Variants in CDC5L observed in about 807,000 individuals in gnomAD.
CDC5L encodes the protein cell division cycle 5-like protein.
Under a neutral mutation model 104.1 loss-of-function variants are expected in CDC5L, and 18 were observed. The observed-to-expected ratio is 0.17, with a 90% CI of 0.12 to 0.26. The LOEUF (loss-of-function observed/expected upper bound fraction) is 0.26. Ranked by LOEUF, CDC5L falls within the 10% of genes least tolerant of loss-of-function variation. The probability of loss-of-function intolerance (pLI) is 1.00; values close to 1 mark genes in which losing one functional copy is unlikely to be tolerated. For missense variants in CDC5L, 673 were observed against 956.9 expected (o/e 0.70, Z 3.91); for synonymous variants, 331 against 322.7 (o/e 1.03, Z -0.28).
Position 44,422,697 on chromosome 6 carries a change from C to G in CDC5L, c.1292C>G (p.Pro431Arg). The change falls in exon 10 of 16, where the codon CCC becomes CGC. Residue 431 changes from proline (P) to arginine (R), a missense_variant. This residue lies in a region of CDC5L where 578 missense variants were observed against 737.0 expected (regional missense o/e 0.78). Coordinates refer to ENST00000371477, the MANE Select transcript of CDC5L (RefSeq NM_001253.4). ...EGLTPRSGTT[P>R]KPVINSTPGR... ...CTGACTCCCCGGAGTGGAACAACTCCCAAACCAGTTATTAACTCTACTCCG... is the reference window on the plus strand; with the variant it reads ...CTGACTCCCCGGAGTGGAACAACTCGCAAACCAGTTATTAACTCTACTCCG... The G allele has an allele frequency of 6.2e-7, 1 of 1,612,994 alleles. No individual in the cohort carries two copies. Among genetic ancestry groups the G allele is most frequent in the Non-Finnish European group, 8.5e-7 (1 of 1,179,228 alleles).
rs1252493307 is a variant in CDC5L, at chr6:44,437,444, A to G, written c.2091+7534A>G. ...TTCTTTATATGTTTAATGACTATAT[A>G]GTTATTTGGCTAAATTAATTTTTTT... On this transcript the variant is annotated intron_variant, in intron 14 of 15. Transcript: ENST00000371477. Among the ~76,000 whole-genome samples the G allele has an allele frequency of 3.3e-5, 5 of 152,316 alleles. No individual in the cohort carries two copies. The South Asian group carries it at 8.3e-4, about 25-fold the overall frequency.
intron 8 of CDC5L, among the ~76,000 whole-genome samples, chr6:44,411,906 T>C (rs1423327286): frequency 6.6e-6 from 1 of 152,140 alleles, no homozygotes; most frequent in Non-Finnish European, 1.5e-5. Flanking sequence ...TTTCAGGGTG[T>C]TCAAGGCCAG....
intron 14 of CDC5L, among the ~76,000 whole-genome samples, chr6:44,441,390 G>T (rs1265058351): frequency 6.6e-6 from 1 of 152,148 alleles, no homozygotes; most frequent in Non-Finnish European, 1.5e-5. Context: ...CCGTGTCTTG[G>T]CTGTTGTGGA....
Position 44,404,978 on chromosome 6 carries a change from G to A in CDC5L, c.758+951G>A, listed in dbSNP as rs142275000. ...CAAAGTGTTGGGATTACAGGCATGA[G>A]TCACCACTCCTGGCCCTTTTAGTCT... On this transcript the variant is annotated intron_variant, in intron 6 of 15. Transcript: ENST00000371477. Among the ~76,000 whole-genome samples, 6 of 152,270 alleles carry A rather than the reference G, an allele frequency of 3.9e-5. No homozygotes were observed. In the East Asian group the frequency reaches 1.2e-3, roughly 29 times the overall value.
intron 14 of CDC5L, among the ~76,000 whole-genome samples, chr6:44,434,670 A>G (rs1792844256): frequency 6.6e-6 from 1 of 152,332 alleles, no homozygotes; most frequent in African/African-American, 2.4e-5. Flanking sequence ...GGTGCTCTTA[A>G]TGTTTCTGAA....
chr6:44,441,932 C>CTTTTTTT lies in CDC5L; in HGVS notation c.2092-3706_2092-3700dup, dbSNP rs145016358. Among the ~76,000 whole-genome samples, 86 of 92,832 alleles carry CTTTTTTT rather than the reference C, an allele frequency of 9.3e-4. 1 individual carries two copies. The highest frequency in any genetic ancestry group is 5.2e-3 in the East Asian group (13 of 2,512). The allele number at this position is 92,832 out of a possible 152,430, so 60.9% of individuals were successfully genotyped here. On this transcript the variant is annotated intron_variant, in intron 14 of 15. Coordinates refer to ENST00000371477, the MANE Select transcript of CDC5L (RefSeq NM_001253.4). ...TCCCAGCACTTTGTAAGGTCTTGTTCTTTTTTTTTTTTTTTTTTTTTTTGA... is the reference window on the plus strand; with the variant it reads ...TCCCAGCACTTTGTAAGGTCTTGTTCTTTTTTTTTTTTTTTTTTTTTTTTTTTTTTGA...
At chr6:44,428,615 G>A (rs1792534346) in intron 13 of CDC5L, among the ~76,000 whole-genome samples, 1 of 152,090 alleles carries the variant, frequency 6.6e-6, no homozygotes, top group Non-Finnish European at 1.5e-5. Flanking sequence ...GGCTGAAAAA[G>A]CCCTGAGAAA....
At chr6:44,401,832 G>A (rs1791141760) in intron 5 of CDC5L, among the ~76,000 whole-genome samples, 1 of 149,706 alleles carries the variant, frequency 6.7e-6, no homozygotes, top group Non-Finnish European at 1.5e-5. Flanking sequence ...AGTCCCCAGA[G>A]CGTGATGTTC....
rs369970515 is a variant in CDC5L at position 44,424,605 on chromosome 6, A to T, written c.1569+22A>T. The T allele has an allele frequency of 6.8e-6, 11 of 1,612,464 alleles. No homozygotes were observed. In the African/African-American group the frequency reaches 1.5e-4, roughly 21 times the overall value. Reference sequence around the variant, plus strand: ...GCAGGTGGGTAACTGTACTGAAAGAAGCGTGAGTTTGGCTGAATGTGTCAG... The same window carrying T: ...GCAGGTGGGTAACTGTACTGAAAGATGCGTGAGTTTGGCTGAATGTGTCAG... On this transcript the variant is annotated intron_variant, in intron 11 of 15. Transcript: ENST00000371477.
chr6:44,417,383 C>T (rs898485466), intron 8 of CDC5L, among the ~76,000 whole-genome samples: 1 of 152,056 alleles, frequency 6.6e-6, no homozygotes, highest in African/African-American at 2.4e-5. Flanking sequence ...ACTGTGAGTG[C>T]GGTGGGAAGC....
chr6:44,424,343 A>G (rs564841094), intron 10 of CDC5L, 76 bp from the exon 11 acceptor site: 174 of 1,330,016 alleles, frequency 1.3e-4, no homozygotes, highest in South Asian at 2.6e-4. Context: ...TGTGCTATCA[A>G]TTTTTAAGAG....
Position 44,442,491 on chromosome 6 carries a change from G to GC in CDC5L, c.2092-3164_2092-3163insC, listed in dbSNP as rs1471506302. Among the ~76,000 whole-genome samples, 93 of 151,196 alleles carry GC rather than the reference G, an allele frequency of 6.2e-4. 1 individual carries two copies. In the South Asian group the frequency reaches 0.018, roughly 30 times the overall value. On this transcript the variant is annotated intron_variant, in intron 14 of 15. Transcript: ENST00000371477. ...GTCTGTTACAGACTTTTGCTTTGTG[G>GC]TTAACTTGAGGCTTACATAAAACAG...
intron 15 of CDC5L, 37 bp from the exon 16 acceptor site, chr6:44,446,570 T>C (rs1307783735): frequency 2.0e-6 from 2 of 987,712 alleles, no homozygotes; most frequent in Non-Finnish European, 3.0e-6. Flanking sequence ...TCAGTATAGT[T>C]ACATCTAAAA....
chr6:44,408,580 G>A lies in CDC5L; in HGVS notation c.1040G>A (p.Ser347Asn). The change falls in exon 8 of 16, where the codon AGC (serine) becomes AAC (asparagine). Residue 347 changes from serine to asparagine, a missense_variant. Physicochemically the swap from Ser to Asn is conservative, Grantham distance 46. Around this residue, in one of 4 missense-constraint regions of CDC5L, gnomAD observed 578 missense variants for 737.0 expected, o/e 0.78. Coordinates refer to ENST00000371477, the MANE Select transcript of CDC5L (RefSeq NM_001253.4). ...LLSEYNVTNN[S>N]VALRTPRTPA... ...TCTGAGTACAATGTCACCAACAACA[G>A]CGTTGCTCTTAGAACACCACGAACA... 1.2e-6 allele frequency: 2 copies of A among 1,613,480 alleles called. No homozygotes were observed. The highest frequency in any genetic ancestry group is 1.1e-5 in the South Asian group (1 of 91,038).
At chr6:44,400,548 T>G (rs1283338546) in intron 5 of CDC5L, among the ~76,000 whole-genome samples, 2 of 152,114 alleles carry the variant, frequency 1.3e-5, no homozygotes, top group Non-Finnish European at 2.9e-5. Context: ...CTACCGTGCC[T>G]GGCTAATTTT....
chr6:44,429,264 C>T (rs1280465388), intron 13 of CDC5L, among the ~76,000 whole-genome samples: 1 of 152,110 alleles, frequency 6.6e-6, no homozygotes, highest in African/African-American at 2.4e-5. Context: ...TCGTTATCCG[C>T]CCACCTCAGC....
chr6:44,398,653 C>T (rs780080160), intron 5 of CDC5L, among the ~76,000 whole-genome samples: 30 of 152,068 alleles, frequency 2.0e-4, no homozygotes, highest in Non-Finnish European at 3.7e-4. Flanking sequence ...TTAATGTTCT[C>T]ATTTTGGGAC....
At chr6:44,400,384 G>A (rs759315399) in intron 5 of CDC5L, among the ~76,000 whole-genome samples, 1 of 152,086 alleles carries the variant, frequency 6.6e-6, no homozygotes, top group Non-Finnish European at 1.5e-5. Context: ...TTGATGACTG[G>A]TTTATTTTAT....
At chr6:44,437,836 T>A (rs1793003664) in intron 14 of CDC5L, among the ~76,000 whole-genome samples, 1 of 152,278 alleles carries the variant, frequency 6.6e-6, no homozygotes, top group Non-Finnish European at 1.5e-5. Flanking sequence ...GATTAATTTT[T>A]AAAAAGCATT....
Sources: allele counts gnomAD v4.1 joint callset (sites outside exome capture counted in the v4.1 genomes callset), GRCh38; gene constraint gnomAD v4.1.1; regional missense constraint gnomAD v4.1.1; transcripts MANE v1.5; gene names NCBI Gene and HGNC (gene_info 2026-07-23, HGNC 2026-07-21).